Variants in IDNK observed in about 807,000 individuals in gnomAD.
IDNK encodes the protein gluconokinase.
In IDNK, 9 loss-of-function variants were observed where a neutral mutation model predicts 13.0. The ratio of observed to expected loss-of-function variants is 0.69; its 90% confidence interval spans 0.42 to 1.21. The LOEUF is 1.21. Ranked by LOEUF, IDNK falls within the 50% of genes most tolerant of loss-of-function variation. IDNK has a pLI of 0.00. For missense variants in IDNK, 210 were observed against 237.8 expected (o/e 0.88, Z 0.77); for synonymous variants, 92 against 94.9 (o/e 0.97, Z 0.18).
intron 4 of IDNK, among the ~76,000 whole-genome samples, chr9:83,643,142 A>T (rs535602738): frequency 6.6e-6 from 1 of 152,324 alleles, no homozygotes; most frequent in African/African-American, 2.4e-5. Flanking sequence ...GAGATCTCAA[A>T]CAGTGTTTTC....
chr9:83,623,341 G>A (rs377764359), intron 1 of IDNK, 120 bp downstream of exon 1: 1 of 976,070 alleles, frequency 1.0e-6, no homozygotes, highest in Non-Finnish European at 1.4e-6. Context: ...CCTTCCCTTT[G>A]CAGATGAAGA....
chr9:83,631,112 G>A (rs1469752724), intron 3 of IDNK, among the ~76,000 whole-genome samples: 5 of 152,162 alleles, frequency 3.3e-5, no homozygotes, highest in Middle Eastern at 6.8e-3. Flanking sequence ...TGGTTGCCCC[G>A]GTAACCGGTC....
At chr9:83,628,514 T>C (rs1369435467) in intron 2 of IDNK, among the ~76,000 whole-genome samples, 2 of 152,104 alleles carry the variant, frequency 1.3e-5, no homozygotes, top group Non-Finnish European at 2.9e-5. Flanking sequence ...CCGGGCATGG[T>C]TGCACGCGCC....
chr9:83,641,415 T>C (rs950139018), intron 3 of IDNK, 133 bp from the exon 4 acceptor site: 2 of 894,770 alleles, frequency 2.2e-6, no homozygotes, highest in East Asian at 2.5e-5. Context: ...GCCTTGTGCA[T>C]GGCCCACTCC....
chr9:83,626,906 T>C (rs1291629776), intron 1 of IDNK: 15 of 1,013,612 alleles, frequency 1.5e-5, no homozygotes, highest in Admixed American at 1.1e-4. Flanking sequence ...CTCAGTTTGG[T>C]ACAACTGTGT....
At chr9:83,632,460 AGG>A (rs1051576303) in intron 3 of IDNK, among the ~76,000 whole-genome samples, 26 of 148,206 alleles carry the variant, frequency 1.8e-4, no homozygotes, top group African/African-American at 6.0e-4. Flanking sequence ...TATCTAGAGC[AGG>A]GGTGTCCAGT....
chr9:83,631,504 C>T (rs1295397074), intron 3 of IDNK, among the ~76,000 whole-genome samples: 4 of 147,958 alleles, frequency 2.7e-5, no homozygotes, highest in Admixed American at 6.7e-5. Context: ...CCCAGCTACT[C>T]GGGAGGCTAA....
intron 3 of IDNK, among the ~76,000 whole-genome samples, chr9:83,634,728 C>A (rs1271902324): frequency 6.6e-6 from 1 of 152,184 alleles, no homozygotes; most frequent in Non-Finnish European, 1.5e-5. Context: ...AATGTACAAT[C>A]TGAGCAAAAT....
At chr9:83,636,541 T>C (rs73474390) in intron 3 of IDNK, among the ~76,000 whole-genome samples, 1,892 of 152,300 alleles carry the variant, frequency 0.012, 38 homozygotes, top group African/African-American at 0.04. Context: ...TCTAGTTTTT[T>C]AGTAGGATGT....
intron 3 of IDNK, among the ~76,000 whole-genome samples, chr9:83,633,551 G>T (rs185442074): frequency 3.3e-5 from 5 of 152,126 alleles, no homozygotes; most frequent in Admixed American, 6.5e-5. Flanking sequence ...AATGTTTGTG[G>T]AATTAAGGCC....
At chr9:83,633,136 G>A (rs966892891) in intron 3 of IDNK, among the ~76,000 whole-genome samples, 5 of 151,868 alleles carry the variant, frequency 3.3e-5, no homozygotes, top group East Asian at 1.9e-4. Flanking sequence ...TCAGGAGATC[G>A]AGACCATCCT....
chr9:83,642,363 C>T (rs1417232598), intron 4 of IDNK, among the ~76,000 whole-genome samples: 1 of 152,104 alleles, frequency 6.6e-6, no homozygotes, highest in East Asian at 1.9e-4. Flanking sequence ...GTTGACATGG[C>T]TGGCAGCCCT....
At chr9:83,627,907 C>A in intron 1 of IDNK, 136 of 418,772 alleles carry the variant, frequency 3.2e-4, no homozygotes, top group Non-Finnish European at 3.8e-4. Context: ...AAACTGATTA[C>A]TGAAGAAAAA....
chr9:83,634,920 T>G (rs896401651), intron 3 of IDNK, among the ~76,000 whole-genome samples: 4 of 152,260 alleles, frequency 2.6e-5, no homozygotes, highest in African/African-American at 9.6e-5. Context: ...GAATTGCCCC[T>G]TAACTCTAAG....
rs760603208 is a variant in IDNK, at chr9:83,628,849, C to T, written c.82-24C>T. On this transcript the variant is annotated intron_variant, in intron 2 of 4. Coordinates refer to ENST00000376419, the MANE Select transcript of IDNK (RefSeq NM_001001551.4). ...CATTGGCCCATCTGCCTGCCACATA[C>T]ACCCTTTCACTTTGTTCTTAAAGCT... The T allele has an allele frequency of 1.4e-5, 22 of 1,563,128 alleles. No individual in the cohort carries two copies. The East Asian group carries it at 4.7e-4, about 33-fold the overall frequency.
chr9:83,630,541 C>CA (rs1830981428), intron 3 of IDNK, among the ~76,000 whole-genome samples: 1 of 152,002 alleles, frequency 6.6e-6, no homozygotes. Flanking sequence ...TGAGATAATA[C>CA]AAAAAATATG....
intron 1 of IDNK, chr9:83,623,506 G>A: frequency 2.5e-6 from 1 of 400,986 alleles, no homozygotes; most frequent in Non-Finnish European, 4.5e-6. Context: ...CTGAACAGGC[G>A]GCTGCGGGGC....
At chr9:83,628,598 G>A (rs950698310) in intron 2 of IDNK, among the ~76,000 whole-genome samples, 3 of 151,036 alleles carry the variant, frequency 2.0e-5, no homozygotes, top group Non-Finnish European at 4.4e-5. Context: ...GTTGCAGTGA[G>A]ACAAGATTGC....
intron 3 of IDNK, 152 bp from the exon 4 acceptor site, chr9:83,641,396 G>A (rs1831303325): frequency 9.9e-6 from 7 of 705,286 alleles, no homozygotes; most frequent in Non-Finnish European, 1.5e-5. Context: ...CCCAGCAGCT[G>A]GCCCCTCAGC....
Sources: gnomAD v4.1 joint callset for allele counts (sites outside exome capture counted in the v4.1 genomes callset) on GRCh38, gnomAD v4.1.1 for gene constraint, MANE v1.5 for transcripts, NCBI Gene and HGNC (gene_info 2026-07-23, HGNC 2026-07-21) for gene names.